PKP4: variants seen among roughly 807,000 people sequenced by gnomAD.
The protein encoded by PKP4 is plakophilin 4.
In PKP4, 90 loss-of-function variants were observed where a neutral mutation model predicts 145.1. The observed-to-expected ratio is 0.62, with a 90% CI of 0.52 to 0.74. The LOEUF is 0.74. PKP4 is among the 30% of genes least tolerant of loss of function. The probability of loss-of-function intolerance (pLI) is 0.00; values close to 1 mark genes in which losing one functional copy is unlikely to be tolerated. For missense variants in PKP4, 1,340 were observed against 1,482.7 expected, an observed-to-expected ratio of 0.90 and a Z score of 1.58; for synonymous variants, 563 against 577.2, an observed-to-expected ratio of 0.98 and a Z score of 0.35.
chr2:158,557,491 A>G (rs955762940), intron 2 of PKP4, among the ~76,000 whole-genome samples: 1 of 152,232 alleles, frequency 6.6e-6, no homozygotes, highest in Non-Finnish European at 1.5e-5. Flanking sequence ...CAGCCTTTGC[A>G]GTGAAAATGT....
At chr2:158,553,528 C>A (rs1249155343) in intron 2 of PKP4, among the ~76,000 whole-genome samples, 1 of 152,160 alleles carries the variant, frequency 6.6e-6, no homozygotes, top group African/African-American at 2.4e-5. Context: ...TTAGACTTCC[C>A]AAACTGTACA....
At chr2:158,515,526 C>T (rs1388489582) in intron 1 of PKP4, among the ~76,000 whole-genome samples, 1 of 151,806 alleles carries the variant, frequency 6.6e-6, no homozygotes, top group African/African-American at 2.4e-5. Context: ...TTTTTGGTGG[C>T]AGGAATCTTT....
chr2:158,625,409 A>C lies in PKP4; in HGVS notation c.1135A>C (p.Arg379=). 1 of 1,611,372 alleles carries C rather than the reference A, an allele frequency of 6.2e-7. No individual in the cohort carries two copies. The highest frequency in any genetic ancestry group is 8.5e-7 in the Non-Finnish European group (1 of 1,177,770). ...CATTTATGAGAGGATGGTTCCACCC[A>C]GGCCAGACAGCCTGACAGGTGCGTA... The part of the protein sequence containing the change: ...YDIYERMVPP[R]PDSLTGLRSS... Residue 379 remains arginine, a synonymous_variant, in exon 7 of 22, where the codon AGG becomes CGG. Transcript: ENST00000389759.
chr2:158,469,654 A>G (rs536757342), intron 1 of PKP4, among the ~76,000 whole-genome samples: 77 of 152,290 alleles, frequency 5.1e-4, no homozygotes, highest in African/African-American at 1.8e-3. Context: ...TCATTCTAAT[A>G]TTTTTATTAT....
At chr2:158,532,261 G>A (rs2043627198) in intron 1 of PKP4, among the ~76,000 whole-genome samples, 1 of 152,190 alleles carries the variant, frequency 6.6e-6, no homozygotes, top group African/African-American at 2.4e-5. Flanking sequence ...AATATACAGA[G>A]TGACACATCT....
chr2:158,561,982 A>G (rs1215875128), intron 2 of PKP4, among the ~76,000 whole-genome samples: 1 of 137,372 alleles, frequency 7.3e-6, no homozygotes, highest in East Asian at 2.1e-4. Flanking sequence ...CCTGTGTCCA[A>G]GTGTTCTCAT....
intron 11 of PKP4, among the ~76,000 whole-genome samples, 153 bp from the exon 12 acceptor site, chr2:158,657,978 C>T (rs916402935): frequency 9.9e-5 from 15 of 152,184 alleles, no homozygotes; most frequent in Non-Finnish European, 2.1e-4. Flanking sequence ...ACTCAAAACT[C>T]ATTAGAGGTC....
chr2:158,616,002 T>C (rs1214334659), intron 4 of PKP4, among the ~76,000 whole-genome samples: 1 of 152,242 alleles, frequency 6.6e-6, no homozygotes, highest in Non-Finnish European at 1.5e-5. Flanking sequence ...TGCCTTTCCT[T>C]ATGTCTTCAC....
intron 4 of PKP4, among the ~76,000 whole-genome samples, chr2:158,605,953 T>C (rs1308800965): frequency 6.6e-6 from 1 of 152,234 alleles, no homozygotes; most frequent in Non-Finnish European, 1.5e-5. Context: ...TTCATCCTTA[T>C]CATAGCATGT....
At chr2:158,482,725 A>G (rs1055629722) in intron 1 of PKP4, among the ~76,000 whole-genome samples, 5 of 151,688 alleles carry the variant, frequency 3.3e-5, no homozygotes, top group Admixed American at 6.6e-5. Flanking sequence ...AGTTCCAGCT[A>G]TGCAGGAGGC....
intron 2 of PKP4, among the ~76,000 whole-genome samples, chr2:158,535,549 A>G (rs554767314): frequency 6.6e-6 from 1 of 152,174 alleles, no homozygotes; most frequent in South Asian, 2.1e-4. Context: ...AGCTAGGACT[A>G]CAGGTGTGTG....
chr2:158,528,685 A>AG (rs1553561947), intron 1 of PKP4, among the ~76,000 whole-genome samples: 41 of 148,238 alleles, frequency 2.8e-4, no homozygotes, highest in African/African-American at 5.8e-4. Context: ...AAAAAAAAAA[A>AG]AGAGACCTGG....
Position 158,640,260 on chromosome 2 carries a change from A to G in PKP4, c.1563-367A>G, listed in dbSNP as rs571878410. On this transcript the variant is annotated intron_variant, in intron 9 of 21. Coordinates refer to ENST00000389759, the MANE Select transcript of PKP4 (RefSeq NM_003628.6). The stretch of plus-strand genomic sequence containing the variant: ...CCTCTCCCTTCAGGCATGACATCTC[A>G]CTTCGCTACAGTGCACGTGTTTACC... Among the ~76,000 whole-genome samples, 11 of 152,190 alleles carry G rather than the reference A, an allele frequency of 7.2e-5. No homozygotes were observed. The South Asian group carries it at 1.7e-3, about 23-fold the overall frequency.
intron 11 of PKP4, among the ~76,000 whole-genome samples, chr2:158,656,998 G>A (rs1360870194): frequency 6.6e-6 from 1 of 152,114 alleles, no homozygotes; most frequent in East Asian, 1.9e-4. Flanking sequence ...AGCCTGACAC[G>A]CTCCCATGGA....
intron 4 of PKP4, among the ~76,000 whole-genome samples, chr2:158,620,298 A>G (rs1012978187): frequency 6.6e-6 from 1 of 152,212 alleles, no homozygotes; most frequent in Non-Finnish European, 1.5e-5. Flanking sequence ...CGGCATAAAA[A>G]ACAGAAGTTT....
chr2:158,597,399 G>A (rs1045756341), intron 3 of PKP4, among the ~76,000 whole-genome samples: 1 of 152,208 alleles, frequency 6.6e-6, no homozygotes, highest in Non-Finnish European at 1.5e-5. Flanking sequence ...TTAGATGCAG[G>A]TAGAATTAAT....
intron 11 of PKP4, among the ~76,000 whole-genome samples, chr2:158,654,566 C>T (rs369758141): frequency 5.9e-5 from 9 of 152,174 alleles, no homozygotes; most frequent in Admixed American, 3.3e-4. Flanking sequence ...GTGACTTTTC[C>T]GATTCTGGGA....
At chr2:158,529,255 A>G (rs2043290489) in intron 1 of PKP4, among the ~76,000 whole-genome samples, 1 of 152,252 alleles carries the variant, frequency 6.6e-6, no homozygotes, top group African/African-American at 2.4e-5. Flanking sequence ...TTACAAAACC[A>G]TTAGCTTTTA....
chr2:158,582,737 T>C (rs2048438153), intron 3 of PKP4, among the ~76,000 whole-genome samples: 2 of 152,196 alleles, frequency 1.3e-5, no homozygotes, highest in Non-Finnish European at 2.9e-5. Context: ...AACAAGCTCA[T>C]AGGGCTCTTT....
Sources: gnomAD v4.1 joint callset for allele counts (sites outside exome capture counted in the v4.1 genomes callset) on GRCh38, gnomAD v4.1.1 for gene constraint, MANE v1.5 for transcripts, NCBI Gene and HGNC (gene_info 2026-07-23, HGNC 2026-07-21) for gene names.